Variants in MROH2B observed in about 807,000 individuals in gnomAD.
MROH2B encodes maestro heat like repeat family member 2B, also known as maestro heat-like repeat-containing protein family member 2B.
Under a neutral mutation model 208.6 loss-of-function variants are expected in MROH2B, and 177 were observed. The observed-to-expected ratio is 0.85, with a 90% confidence interval of 0.75 to 0.96. The LOEUF is 0.96. Ranked by LOEUF, MROH2B falls within the 40% of genes least tolerant of loss-of-function variation. The probability of loss-of-function intolerance (pLI) is 0.00; values close to 1 mark genes in which losing one functional copy is unlikely to be tolerated. For synonymous variants in MROH2B, 728 were observed against 659.0 expected (o/e 1.10, Z -1.60); for missense variants, 2,002 against 1,878.7 (o/e 1.07, Z -1.21).
intron 6 of MROH2B, among the ~76,000 whole-genome samples, chr5:41,060,131 C>A (rs1026986827): frequency 5.9e-5 from 9 of 152,202 alleles, no homozygotes; most frequent in African/African-American, 2.2e-4. Flanking sequence ...TCCTAATAAG[C>A]ATCCAACTGA....
intron 18 of MROH2B, 34 bp from the exon 19 acceptor site, chr5:41,042,242 G>C (rs780983038): frequency 7.4e-5 from 98 of 1,316,102 alleles, no homozygotes; most frequent in Non-Finnish European, 9.7e-5. Flanking sequence ...AGGATTTTAA[G>C]GGTTGGAAAG....
Position 41,037,433 on chromosome 5 carries a change from T to G in MROH2B, c.2214+1303A>C, listed in dbSNP as rs73090372. 9.0e-3 allele frequency among the ~76,000 whole-genome samples: 1,377 copies of G among 152,316 alleles called. 25 individuals carry two copies. Among genetic ancestry groups the G allele is most frequent in the African/African-American group, 0.031 (1,301 of 41,574 alleles). On this transcript the variant is annotated intron_variant, in intron 21 of 41. Transcript: ENST00000399564. ...CATGTTGAAAATGCAAATTCAGTGA[T>G]TCAACTCTGAAGGCTGTGATTCATT...
rs1561268836 is a variant in MROH2B, at chr5:40,998,074, T to C, written c.4736A>G (p.Lys1579Arg). ...GGCTTACAGAGGAATGCTTGTCTCTTTACACCTTCTCAGGAGGGTTTGCAA... is the reference window on the plus strand; with the variant it reads ...GGCTTACAGAGGAATGCTTGTCTCTCTACACCTTCTCAGGAGGGTTTGCAA... ...AALQTLLRRC[K>R]ETSIPL Residue 1579 changes from lysine to arginine, a missense_variant, in exon 42 of 42, where the codon AAA (lysine) becomes AGA (arginine). Physicochemically the swap from Lys to Arg is conservative, Grantham distance 26. Coordinates refer to ENST00000399564, the MANE Select transcript of MROH2B (RefSeq NM_173489.5). The C allele has an allele frequency of 1.2e-6, 2 of 1,611,750 alleles. No individual in the cohort carries two copies.
chr5:41,049,174 C>T, intron 14 of MROH2B, 33 bp from the exon 15 acceptor site: 1 of 1,603,662 alleles, frequency 6.2e-7, no homozygotes, highest in South Asian at 1.1e-5. Context: ...ATCATCACTG[C>T]AGGGGTTAGA....
At position 41,004,765 on chromosome 5, in the gene MROH2B, G is replaced by C. The variant is rs763926655; in HGVS notation, c.4011+9C>G. ...TAAATGAACCATTTCCCCTTAAAAC[G>C]CCTTTTACCTTGTGAGGAGCCCCGG... On this transcript the variant is annotated intron_variant, in intron 36 of 41. Transcript: ENST00000399564. The C allele has an allele frequency of 6.2e-7, 1 of 1,609,646 alleles. No homozygotes were observed. Among genetic ancestry groups the C allele is most frequent in the Non-Finnish European group, 8.5e-7 (1 of 1,178,786 alleles).
intron 18 of MROH2B, 139 bp downstream of exon 18, chr5:41,045,607 T>C (rs1372463868): frequency 6.3e-6 from 4 of 633,708 alleles, no homozygotes; most frequent in Non-Finnish European, 8.2e-6. Context: ...TTTCAGCTAG[T>C]GGCCTTAAAA....
intron 21 of MROH2B, among the ~76,000 whole-genome samples, chr5:41,036,036 A>G (rs913139568): frequency 1.3e-5 from 2 of 152,076 alleles, no homozygotes; most frequent in Admixed American, 6.6e-5. Context: ...ACATGCACTC[A>G]TATGTTCATT....
At chr5:41,038,331 C>T (rs967368283) in intron 21 of MROH2B, among the ~76,000 whole-genome samples, 7 of 152,108 alleles carry the variant, frequency 4.6e-5, no homozygotes, top group Non-Finnish European at 8.8e-5. Flanking sequence ...GAGATCACTA[C>T]GGATATGATT....
chr5:41,038,692 G>A, intron 21 of MROH2B, 44 bp downstream of exon 21: 1 of 1,551,302 alleles, frequency 6.4e-7, no homozygotes, highest in Non-Finnish European at 8.7e-7. Flanking sequence ...CAAGTTTTAG[G>A]AACCCCAGCC....
intron 2 of MROH2B, 91 bp from the exon 3 acceptor site, chr5:41,067,309 C>G: frequency 1.4e-6 from 1 of 690,216 alleles, no homozygotes; most frequent in Non-Finnish European, 2.6e-6. Context: ...TTAAAGTAAG[C>G]AATATATCTT....
rs561604264 is a variant in MROH2B, at chr5:41,018,583, G to C, written c.2673+108C>G. On this transcript the variant is annotated intron_variant, in intron 26 of 41. Coordinates refer to ENST00000399564, the MANE Select transcript of MROH2B (RefSeq NM_173489.5). ...GATGGCTGTATGTGGGGTGTGGGTGGGTCCAGCTGGATGTCTTCATGTAAG... is the reference window on the plus strand; with the variant it reads ...GATGGCTGTATGTGGGGTGTGGGTGCGTCCAGCTGGATGTCTTCATGTAAG... The C allele has an allele frequency of 8.7e-4, 1,247 of 1,434,120 alleles. 2 individuals are homozygous for C. The highest frequency in any genetic ancestry group is 1.0e-3 in the Non-Finnish European group (1,089 of 1,041,816). 88.8% of individuals were successfully genotyped at this position (1,434,120 alleles called of 1,614,324 possible). A position where few individuals can be genotyped will look rare whatever the true frequency, so the allele number is the denominator to read the frequency against.
chr5:41,048,538 C>A, intron 15 of MROH2B, 73 bp from the exon 16 acceptor site: 1 of 1,449,290 alleles, frequency 6.9e-7, no homozygotes, highest in South Asian at 1.5e-5. Context: ...TCCCTTTTTA[C>A]CATTGTTCCA....
chr5:41,045,470 A>G (rs1437898028), intron 18 of MROH2B, among the ~76,000 whole-genome samples: 1 of 152,156 alleles, frequency 6.6e-6, no homozygotes, highest in Non-Finnish European at 1.5e-5. Context: ...CCTCCTGTAG[A>G]AAGAACCTCT....
In MROH2B at chr5:41,052,480, C is replaced by T. The variant is rs368977505; in HGVS notation, c.1215G>A (p.Thr405=). The T allele has an allele frequency of 8.7e-6, 14 of 1,612,348 alleles. No homozygotes were observed. Among genetic ancestry groups the T allele is most frequent in the South Asian group, 3.3e-5 (3 of 90,918 alleles). The change falls in exon 12 of 42, where the codon ACG becomes ACA. Residue 405 remains threonine, a synonymous_variant. Transcript: ENST00000399564. ...LIDYVFSQFA[T]LNRNLEKPVK... ...CTCTGCATACCAGATTCCTGTTCAA[C>T]GTTGCAAACTGGGAGAAGACATAAT... is the stretch of plus-strand genomic sequence containing the variant.
intron 41 of MROH2B, 21 bp from the exon 42 acceptor site, chr5:40,998,179 A>G (rs1352727096): frequency 1.3e-6 from 2 of 1,583,468 alleles, no homozygotes; most frequent in Non-Finnish European, 8.7e-7. Context: ...AAGAATAGCA[A>G]ATAAGTGGAG....
chr5:40,999,599 C>G, intron 40 of MROH2B, 78 bp downstream of exon 40: 1 of 1,247,294 alleles, frequency 8.0e-7, no homozygotes, highest in African/African-American at 1.5e-5. Flanking sequence ...AGTGTTCATA[C>G]TGGACAGCTT....
chr5:41,039,400 T>C (rs1742871277), intron 20 of MROH2B, 48 bp downstream of exon 20: 4 of 1,099,772 alleles, frequency 3.6e-6, no homozygotes, highest in Admixed American at 4.5e-5. Context: ...AAATCAGGGT[T>C]GTCTGGCCTT....
intron 24 of MROH2B, among the ~76,000 whole-genome samples, chr5:41,030,808 C>T (rs1260227367): frequency 6.6e-6 from 1 of 151,750 alleles, no homozygotes; most frequent in Admixed American, 6.6e-5. Flanking sequence ...AAAAATATAG[C>T]CAAGTAGTTT....
chr5:41,008,104 TAA>T (rs1329080566), intron 33 of MROH2B, among the ~76,000 whole-genome samples: 1 of 152,218 alleles, frequency 6.6e-6, no homozygotes, highest in East Asian at 1.9e-4. Flanking sequence ...TTCATAATCC[TAA>T]AAGAGTTCTT....
Sources: gnomAD v4.1 joint callset for allele counts (sites outside exome capture counted in the v4.1 genomes callset) on GRCh38, gnomAD v4.1.1 for gene constraint, MANE v1.5 for transcripts, NCBI Gene and HGNC (gene_info 2026-07-23, HGNC 2026-07-21) for gene names.